The following RAPGEF4 variants were observed in gnomAD, a reference collection of about 807,000 sequenced individuals.
RAPGEF4 encodes RAP guanine-nucleotide-exchange factor (GEF) 4.
Under a neutral mutation model 147.9 loss-of-function variants are expected in RAPGEF4, and 66 were observed. That is an observed-to-expected ratio of 0.45 (90% CI 0.37 to 0.55). The LOEUF is 0.55. Ranked by LOEUF, RAPGEF4 falls within the 20% of genes least tolerant of loss-of-function variation. RAPGEF4 has a pLI of 0.00. For missense variants in RAPGEF4, 1,071 were observed against 1,257.3 expected, an observed-to-expected ratio of 0.85 and a Z score of 2.24; for synonymous variants, 419 against 442.7, an observed-to-expected ratio of 0.95 and a Z score of 0.67.
chr2:172,813,923 A>C (rs968349689), intron 3 of RAPGEF4, among the ~76,000 whole-genome samples: 1 of 152,200 alleles, frequency 6.6e-6, no homozygotes, highest in Non-Finnish European at 1.5e-5. Flanking sequence ...ACATGGATGA[A>C]TCTTACAGAC....
intron 1 of RAPGEF4, among the ~76,000 whole-genome samples, chr2:172,745,461 T>TTAATAA (rs922887781): frequency 6.6e-6 from 1 of 152,122 alleles, no homozygotes; most frequent in African/African-American, 2.4e-5. Context: ...TCTTTTTTTT[T>TTAATAA]TAATTCATTC....
At chr2:172,916,518 T>A (rs563406029) in intron 4 of RAPGEF4, among the ~76,000 whole-genome samples, 11 of 151,978 alleles carry the variant, frequency 7.2e-5, no homozygotes, top group African/African-American at 1.9e-4. Flanking sequence ...AAGAAGAGAA[T>A]CAGAATTAAG....
intron 4 of RAPGEF4, among the ~76,000 whole-genome samples, chr2:172,879,248 A>G (rs947565629): frequency 6.6e-6 from 1 of 152,198 alleles, no homozygotes; most frequent in Non-Finnish European, 1.5e-5. Flanking sequence ...AGAGATCTAT[A>G]TATACTGTTA....
chr2:172,803,007 G>A (rs1458033132), intron 3 of RAPGEF4, among the ~76,000 whole-genome samples: 3 of 152,174 alleles, frequency 2.0e-5, no homozygotes, highest in Non-Finnish European at 4.4e-5. Flanking sequence ...GGGCAGCTTG[G>A]TCCCTATGGC....
At chr2:172,993,021 C>T (rs1409727617) in intron 15 of RAPGEF4, among the ~76,000 whole-genome samples, 1 of 152,154 alleles carries the variant, frequency 6.6e-6, no homozygotes, top group Non-Finnish European at 1.5e-5. Flanking sequence ...GCTGTAGGGC[C>T]TCTCCTCAGA....
chr2:172,884,481 G>A (rs1192899363), intron 4 of RAPGEF4, among the ~76,000 whole-genome samples: 1 of 152,178 alleles, frequency 6.6e-6, no homozygotes, highest in African/African-American at 2.4e-5. Context: ...ACTTATCTGA[G>A]ATCACCTCCA....
chr2:172,872,697 A>C (rs1695382337), intron 4 of RAPGEF4, among the ~76,000 whole-genome samples: 1 of 152,030 alleles, frequency 6.6e-6, no homozygotes, highest in African/African-American at 2.4e-5. Context: ...CCATGGTAAG[A>C]CATGCCTGCT....
At chr2:172,814,191 T>A in intron 3 of RAPGEF4, 88 bp from the exon 4 acceptor site, 1 of 1,379,742 alleles carries the variant, frequency 7.2e-7, no homozygotes, top group Admixed American at 1.8e-5. Context: ...TGTTTTGCCT[T>A]GTACAAATTA....
intron 4 of RAPGEF4, among the ~76,000 whole-genome samples, chr2:172,890,347 CT>C (rs1030373347): frequency 1.6e-4 from 24 of 152,146 alleles, no homozygotes; most frequent in African/African-American, 5.8e-4. Flanking sequence ...CTCCTCTGCC[CT>C]TTTTTTCAGG....
At chr2:172,882,480 T>C (rs1696737078) in intron 4 of RAPGEF4, among the ~76,000 whole-genome samples, 2 of 152,132 alleles carry the variant, frequency 1.3e-5, no homozygotes. Context: ...CTAAAAGACA[T>C]GGAAGCTGAA....
intron 4 of RAPGEF4, among the ~76,000 whole-genome samples, chr2:172,852,062 A>G (rs904376133): frequency 2.6e-5 from 4 of 152,252 alleles, no homozygotes; most frequent in African/African-American, 9.6e-5. Flanking sequence ...ATAGATCACA[A>G]CAAGTTATGT....
chr2:172,767,955 C>T (rs558157924), intron 1 of RAPGEF4, among the ~76,000 whole-genome samples: 211 of 152,126 alleles, frequency 1.4e-3, no homozygotes, highest in Non-Finnish European at 2.0e-3. Context: ...GGATTACAGG[C>T]GCCTGCCACC....
At chr2:173,000,301 T>C (rs1693771740) in intron 16 of RAPGEF4, among the ~76,000 whole-genome samples, 1 of 152,190 alleles carries the variant, frequency 6.6e-6, no homozygotes, top group Admixed American at 6.5e-5. Context: ...AAAATTTCAT[T>C]AAAAACATGG....
chr2:172,815,395 T>A (rs1405631407), intron 4 of RAPGEF4, among the ~76,000 whole-genome samples: 1 of 152,254 alleles, frequency 6.6e-6, no homozygotes, highest in African/African-American at 2.4e-5. Flanking sequence ...TGAAACCTGT[T>A]ACTTTTATTC....
chr2:173,012,064 G>A (rs979443444), intron 17 of RAPGEF4, among the ~76,000 whole-genome samples: 1 of 152,198 alleles, frequency 6.6e-6, no homozygotes, highest in Non-Finnish European at 1.5e-5. Context: ...GAGTAACTTA[G>A]GGCACAGTGT....
intron 4 of RAPGEF4, among the ~76,000 whole-genome samples, chr2:172,834,975 G>A (rs765211433): frequency 1.3e-4 from 19 of 151,984 alleles, no homozygotes; most frequent in Admixed American, 3.9e-4. Context: ...GTTGACTGGC[G>A]CCCTCTGAGG....
At chr2:173,002,901 C>G (rs58232774) in intron 17 of RAPGEF4, among the ~76,000 whole-genome samples, 1 of 152,082 alleles carries the variant, frequency 6.6e-6, no homozygotes, top group South Asian at 2.1e-4. Flanking sequence ...CAATTTTTCT[C>G]GAGTAAAATG....
intron 4 of RAPGEF4, among the ~76,000 whole-genome samples, chr2:172,894,748 A>G (rs1000496869): frequency 2.0e-5 from 3 of 152,224 alleles, no homozygotes; most frequent in Admixed American, 1.3e-4. Flanking sequence ...CTGAGGGTGC[A>G]TTTCAGAGAA....
intron 13 of RAPGEF4, 128 bp from the exon 14 acceptor site, chr2:172,988,565 T>G: frequency 1.7e-6 from 2 of 1,175,708 alleles, no homozygotes; most frequent in Non-Finnish European, 2.4e-6. Context: ...TGTAATCCCC[T>G]TTGGCATCGC....
Sources: gnomAD v4.1 joint callset for allele counts (sites outside exome capture counted in the v4.1 genomes callset) on GRCh38, gnomAD v4.1.1 for gene constraint, MANE v1.5 for transcripts, NCBI Gene and HGNC (gene_info 2026-07-23, HGNC 2026-07-21) for gene names.